The following PPP1R13B variants were observed in gnomAD, a reference collection of about 807,000 sequenced individuals.
PPP1R13B encodes the protein apoptosis-stimulating of p53 protein 1.
A neutral mutation model predicts 119.8 loss-of-function variants in PPP1R13B; 44 were observed. The ratio of observed to expected loss-of-function variants is 0.37; its 90% confidence interval spans 0.29 to 0.47. The LOEUF is 0.47. Among genes scored for constraint, PPP1R13B ranks in the 20% least tolerant of loss-of-function variants. The pLI is 0.99. For missense variants in PPP1R13B, 1,227 were observed against 1,413.5 expected, an observed-to-expected ratio of 0.87 and a Z score of 2.12; for synonymous variants, 542 against 561.5, an observed-to-expected ratio of 0.97 and a Z score of 0.49.
At chr14:103,806,814 A>T (rs1211600993) in intron 1 of PPP1R13B, among the ~76,000 whole-genome samples, 6 of 152,144 alleles carry the variant, frequency 3.9e-5, no homozygotes, top group Non-Finnish European at 8.8e-5. Context: ...TCCATTAGCA[A>T]GACTGTCAAC....
At chr14:103,813,071 GA>G (rs932549713) in intron 1 of PPP1R13B, among the ~76,000 whole-genome samples, 8 of 152,198 alleles carry the variant, frequency 5.3e-5, no homozygotes, top group South Asian at 2.1e-4. Context: ...CAAAGGAGTT[GA>G]AAATGTGTCC....
intron 1 of PPP1R13B, among the ~76,000 whole-genome samples, chr14:103,803,756 G>A (rs1452282849): frequency 6.6e-6 from 1 of 152,166 alleles, no homozygotes; most frequent in Non-Finnish European, 1.5e-5. Flanking sequence ...AATATAGCAT[G>A]TAATGACAAG....
In PPP1R13B at chr14:103,742,493, GCTCTTAGGGCCCAGTAA is replaced by G. The variant is rs2084284363; in HGVS notation, c.1320+144_1320+160del. ...GTGTGTGTACTCGTGGGCTGCTCAG[GCTCTTAGGGCCCAGTAA>G]CCCTCTAGGACTTTGGGTGTTGTCT... On this transcript the variant is annotated intron_variant, in intron 10 of 16. Coordinates refer to ENST00000202556, the MANE Select transcript of PPP1R13B (RefSeq NM_015316.3). The surrounding 1 kb of genome is among the most constrained non-coding windows in gnomAD (Gnocchi z 4.9). 1.3e-5 allele frequency among the ~76,000 whole-genome samples: 2 copies of G among 152,180 alleles called. No individual in the cohort carries two copies. Among genetic ancestry groups the G allele is most frequent in the Admixed American group, 6.5e-5 (1 of 15,270 alleles).
chr14:103,754,804 G>C (rs1595729026), intron 5 of PPP1R13B, among the ~76,000 whole-genome samples: 1 of 151,498 alleles, frequency 6.6e-6, no homozygotes, highest in African/African-American at 2.4e-5. Flanking sequence ...TTTTGAGACG[G>C]AGTCTCGCTC....
At chr14:103,777,497 G>A (rs1350924358) in intron 4 of PPP1R13B, among the ~76,000 whole-genome samples, 1 of 152,104 alleles carries the variant, frequency 6.6e-6, no homozygotes, top group Non-Finnish European at 1.5e-5. Context: ...TAGTCTACAA[G>A]CTAAGCCCAT....
intron 1 of PPP1R13B, chr14:103,818,377 C>T (rs1009115463): frequency 5.4e-6 from 3 of 559,720 alleles, no homozygotes; most frequent in Non-Finnish European, 6.8e-6. Context: ...CATTAGGCTG[C>T]ATATGAGTTT....
intron 4 of PPP1R13B, among the ~76,000 whole-genome samples, chr14:103,772,729 G>C (rs1056989488): frequency 6.6e-6 from 1 of 150,638 alleles, no homozygotes; most frequent in Non-Finnish European, 1.5e-5. Flanking sequence ...CTAGAGTGCA[G>C]TGGCGCGATC....
At chr14:103,757,411 C>T (rs1205538720) in intron 5 of PPP1R13B, among the ~76,000 whole-genome samples, 1 of 152,074 alleles carries the variant, frequency 6.6e-6, no homozygotes, top group Non-Finnish European at 1.5e-5. Context: ...TTTGGGGTGT[C>T]TATTGTATGT....
rs35928276 is a variant in PPP1R13B at position 103,820,652 on chromosome 14, ATTTTTTTT to A, written c.10-23142_10-23135del. On this transcript the variant is annotated intron_variant, in intron 1 of 16. Coordinates refer to ENST00000202556, the MANE Select transcript of PPP1R13B (RefSeq NM_015316.3). ...TGGCACACATACCACCATGCCCAGGATTTTTTTTTTTTTTTTTTTTTTTGTAGAGACAG... is the reference window on the plus strand; with the variant it reads ...TGGCACACATACCACCATGCCCAGGATTTTTTTTTTTTTTTGTAGAGACAG... Among the ~76,000 whole-genome samples the A allele has an allele frequency of 5.7e-4, 58 of 102,596 alleles. No homozygotes were observed. In the Middle Eastern group the frequency reaches 0.022, roughly 39 times the overall value. The allele number at this position is 102,596 out of a possible 152,430, so 67.3% of individuals were successfully genotyped here.
At chr14:103,779,849 T>C (rs1412610061) in intron 3 of PPP1R13B, among the ~76,000 whole-genome samples, 1 of 150,862 alleles carries the variant, frequency 6.6e-6, no homozygotes, top group African/African-American at 2.4e-5. Context: ...AAGAAAAAAA[T>C]TTTCAAAAAG....
chr14:103,829,849 G>A (rs554008990), intron 1 of PPP1R13B, among the ~76,000 whole-genome samples: 271 of 152,260 alleles, frequency 1.8e-3, no homozygotes, highest in Non-Finnish European at 3.2e-3. Flanking sequence ...CACGATCTCA[G>A]CTCACTGCAA....
In PPP1R13B at chr14:103,847,443, AGCTGCGGCGG is replaced by A. The variant is rs2087079755; in HGVS notation, c.-146_-137del. Reference sequence around the variant, plus strand: ...TCCGGCCCGGCCGCGGCGAGGCGGCAGCTGCGGCGGGCTGCGGGGCTCTCGCTGGCCCTGT... The same window carrying A: ...TCCGGCCCGGCCGCGGCGAGGCGGCAGCTGCGGGGCTCTCGCTGGCCCTGT... On this transcript the variant is annotated 5_prime_UTR_variant, in exon 1 of 17. Coordinates refer to ENST00000202556, the MANE Select transcript of PPP1R13B (RefSeq NM_015316.3). 8 of 1,007,484 alleles carry A rather than the reference AGCTGCGGCGG, an allele frequency of 7.9e-6. No individual in the cohort carries two copies. Among genetic ancestry groups the A allele is most frequent in the Non-Finnish European group, 8.3e-6 (7 of 845,970 alleles). 62.4% of individuals were successfully genotyped at this position (1,007,484 alleles called of 1,614,324 possible).
At chr14:103,778,544 G>C (rs2085264474) in intron 4 of PPP1R13B, 1 of 533,034 alleles carries the variant, frequency 1.9e-6, no homozygotes, top group Non-Finnish European at 3.3e-6. Context: ...ACATGTGTGA[G>C]CCACACACCT....
chr14:103,739,489 G>A (rs1261051208), intron 12 of PPP1R13B, among the ~76,000 whole-genome samples: 2 of 152,152 alleles, frequency 1.3e-5, no homozygotes, highest in Non-Finnish European at 2.9e-5. Flanking sequence ...CTCCCACCCA[G>A]GGCCTTTGTC....
chr14:103,735,007 C>T lies in PPP1R13B; in HGVS notation c.*147G>A. 1.1e-6 allele frequency: 1 copy of T among 903,676 alleles called. No individual in the cohort carries two copies. The highest frequency in any genetic ancestry group is 1.8e-6 in the Non-Finnish European group (1 of 558,520). The allele number at this position is 903,676 out of a possible 1,614,324, so 56.0% of individuals were successfully genotyped here. A position where few individuals can be genotyped will look rare whatever the true frequency, so the allele number is the denominator to read the frequency against. On this transcript the variant is annotated 3_prime_UTR_variant, in exon 17 of 17. Coordinates refer to ENST00000202556, the MANE Select transcript of PPP1R13B (RefSeq NM_015316.3). The stretch of plus-strand genomic sequence containing the variant: ...CTGGAGAAAGGGCCTCACCTGGAAA[C>T]TGTAGGATTCACATTGTGGACGCTG...
intron 1 of PPP1R13B, among the ~76,000 whole-genome samples, chr14:103,821,533 C>G (rs1346253313): frequency 6.6e-6 from 1 of 152,148 alleles, no homozygotes; most frequent in African/African-American, 2.4e-5. Context: ...GGGCGGATCA[C>G]CTGAGGTTGG....
intron 1 of PPP1R13B, among the ~76,000 whole-genome samples, chr14:103,819,263 C>T (rs961320510): frequency 6.6e-6 from 1 of 152,076 alleles, no homozygotes; most frequent in African/African-American, 2.4e-5. Flanking sequence ...TAAGAAGTGG[C>T]ATATTTTGCC....
intron 2 of PPP1R13B, among the ~76,000 whole-genome samples, chr14:103,788,690 C>CAA (rs750570947): frequency 8.9e-6 from 1 of 112,110 alleles, no homozygotes. Flanking sequence ...ACAATCAAAG[C>CAA]AAAAAAAAAA....
intron 1 of PPP1R13B, among the ~76,000 whole-genome samples, chr14:103,806,634 G>C (rs1374625341): frequency 6.6e-6 from 1 of 152,148 alleles, no homozygotes; most frequent in African/African-American, 2.4e-5. Context: ...CATTAGAGCT[G>C]TAAGGAAAAC....
Sources: allele counts gnomAD v4.1 joint callset (sites outside exome capture counted in the v4.1 genomes callset), GRCh38; gene constraint gnomAD v4.1.1; non-coding constraint Gnocchi (gnomAD v3.1); transcripts MANE v1.5; gene names NCBI Gene and HGNC (gene_info 2026-07-23, HGNC 2026-07-21).